The following P2RY14 variants were observed in gnomAD, a reference collection of about 807,000 sequenced individuals.
The protein encoded by P2RY14 is purinergic receptor P2Y14, also known as P2Y purinoceptor 14.
P2RY14 carries 2 observed loss-of-function variants against 0.9 expected under a neutral mutation model. The ratio of observed to expected loss-of-function variants is 2.16; its 90% CI spans 0.88 to 6.79. The LOEUF is 6.79. P2RY14 is among the 30% of genes most tolerant of loss of function. The pLI is 0.05. For synonymous variants in P2RY14, 158 were observed against 147.2 expected (o/e 1.07, Z -0.53); for missense variants, 378 against 400.1 (o/e 0.94, Z 0.47).
intron 1 of P2RY14, among the ~76,000 whole-genome samples, chr3:151,260,156 T>C (rs1738588722): frequency 6.6e-6 from 1 of 152,102 alleles, no homozygotes; most frequent in Admixed American, 6.6e-5. Context: ...GTGGAAAGAA[T>C]GAGGGCTAGT....
intron 1 of P2RY14, among the ~76,000 whole-genome samples, chr3:151,224,329 C>G (rs75950444): frequency 0.022 from 3,361 of 152,122 alleles, 119 homozygotes; most frequent in African/African-American, 0.077. Flanking sequence ...TACTTGTTTT[C>G]TAGCTGATTC....
At chr3:151,229,392 C>T (rs1231155884) in intron 1 of P2RY14, among the ~76,000 whole-genome samples, 3 of 148,536 alleles carry the variant, frequency 2.0e-5, no homozygotes, top group East Asian at 2.0e-4. Context: ...ACTGCAACCT[C>T]GCCTCCCGGG....
At chr3:151,258,667 T>C (rs1353583077) in intron 1 of P2RY14, among the ~76,000 whole-genome samples, 1 of 152,048 alleles carries the variant, frequency 6.6e-6, no homozygotes, top group Non-Finnish European at 1.5e-5. Flanking sequence ...CTGATCAACA[T>C]GGTGAAACCC....
chr3:151,261,891 AT>A (rs1035612129), intron 1 of P2RY14, among the ~76,000 whole-genome samples: 8 of 151,790 alleles, frequency 5.3e-5, no homozygotes, highest in African/African-American at 1.9e-4. Flanking sequence ...TGCCTGGCTA[AT>A]TTTTTTGTAT....
Position 151,278,274 on chromosome 3 carries a change from G to C in P2RY14, c.-133+13C>G, listed in dbSNP as rs1351826206. The stretch of plus-strand genomic sequence containing the variant: ...TACATGCAAGTCATTTCATGGAAAA[G>C]CTGTTTTCTTACCTGCGTCTAGGCC... On this transcript the variant is annotated intron_variant, in intron 1 of 2. Transcript: ENST00000309170. 6.6e-6 allele frequency: 1 copy of C among 152,196 alleles called. No individual in the cohort carries two copies. The highest frequency in any genetic ancestry group is 2.1e-4 in the South Asian group (1 of 4,834). The allele number at this position is 152,196 out of a possible 1,614,324, so 9.4% of individuals were successfully genotyped here.
In P2RY14 at chr3:151,242,143, A is replaced by T. The variant is rs1056096361; in HGVS notation, c.-132-22501T>A. ...GTCCTACGCCCATGGAGTCTCGCTG[A>T]TTGCTAGCACAGCAGTCTGAGATCA... On this transcript the variant is annotated intron_variant, in intron 1 of 2. Transcript: ENST00000309170. Among the ~76,000 whole-genome samples, 40 of 152,260 alleles carry T rather than the reference A, an allele frequency of 2.6e-4. 1 individual carries two copies. Among genetic ancestry groups the T allele is most frequent in the African/African-American group, 8.4e-4 (35 of 41,558 alleles).
At chr3:151,245,905 A>C (rs1322666582) in intron 1 of P2RY14, among the ~76,000 whole-genome samples, 2 of 151,678 alleles carry the variant, frequency 1.3e-5, no homozygotes, top group Non-Finnish European at 2.9e-5. Flanking sequence ...TTAAGCTGAT[A>C]AGCAACTTCA....
At chr3:151,245,048 A>G (rs1007128577) in intron 1 of P2RY14, among the ~76,000 whole-genome samples, 2 of 152,126 alleles carry the variant, frequency 1.3e-5, no homozygotes, top group South Asian at 4.1e-4. Flanking sequence ...TGACACATAC[A>G]CTCTCCCAAG....
chr3:151,228,602 A>T (rs1196977700), intron 1 of P2RY14, among the ~76,000 whole-genome samples: 1 of 152,068 alleles, frequency 6.6e-6, no homozygotes, highest in African/African-American at 2.4e-5. Context: ...AAATTGGGAG[A>T]GGTTTTGCTT....
intron 1 of P2RY14, among the ~76,000 whole-genome samples, chr3:151,276,064 A>G (rs1741799738): frequency 6.6e-6 from 1 of 152,234 alleles, no homozygotes; most frequent in African/African-American, 2.4e-5. Context: ...TATACAATCA[A>G]GGACACTTTT....
intron 1 of P2RY14, among the ~76,000 whole-genome samples, chr3:151,237,350 C>CTTTTTTTTTTTTTTTTT (rs57239604): frequency 1.1e-5 from 1 of 94,640 alleles, no homozygotes; most frequent in Non-Finnish European, 1.9e-5. Flanking sequence ...TTTTTTTTTT[C>CTTTTTTTTTTTTTTTTT]TTTTTTTTTT....
chr3:151,246,644 G>T (rs573041945), intron 1 of P2RY14, among the ~76,000 whole-genome samples: 2 of 152,216 alleles, frequency 1.3e-5, no homozygotes, highest in South Asian at 4.1e-4. Context: ...AGACTTAAAC[G>T]TTAGACCTAC....
chr3:151,233,835 C>T (rs1026352326), intron 1 of P2RY14, among the ~76,000 whole-genome samples: 3 of 152,236 alleles, frequency 2.0e-5, no homozygotes, highest in Non-Finnish European at 4.4e-5. Flanking sequence ...CTTTCTCCGC[C>T]TTGTGGTAAC....
chr3:151,254,869 GATAT>G (rs1316037131), intron 1 of P2RY14, among the ~76,000 whole-genome samples: 1 of 152,138 alleles, frequency 6.6e-6, no homozygotes, highest in Non-Finnish European at 1.5e-5. Flanking sequence ...TCACATACAT[GATAT>G]ATATACACAC....
intron 1 of P2RY14, chr3:151,270,196 C>CTGTGTGTGTGTGTGT (rs71621430): frequency 1.5e-5 from 2 of 129,706 alleles, no homozygotes; most frequent in Non-Finnish European, 3.0e-5. Flanking sequence ...AGCAAGCTGT[C>CTGTGTGTGTGTGTGT]GTGTGTGTGT....
At chr3:151,273,686 T>C (rs1453410116) in intron 1 of P2RY14, among the ~76,000 whole-genome samples, 1 of 152,166 alleles carries the variant, frequency 6.6e-6, no homozygotes, top group Non-Finnish European at 1.5e-5. Context: ...GAGTCAAGAT[T>C]TGAAGCCAAA....
At chr3:151,241,636 A>C (rs535645430) in intron 1 of P2RY14, among the ~76,000 whole-genome samples, 18 of 152,340 alleles carry the variant, frequency 1.2e-4, no homozygotes, top group Admixed American at 9.8e-4. Context: ...ATATACACAC[A>C]CAGTAGGATA....
intron 1 of P2RY14, among the ~76,000 whole-genome samples, chr3:151,253,113 A>G (rs2149459433): frequency 6.6e-6 from 1 of 152,326 alleles, no homozygotes; most frequent in Non-Finnish European, 1.5e-5. Flanking sequence ...TATTAACAGA[A>G]TCCACTAGCA....
intron 1 of P2RY14, among the ~76,000 whole-genome samples, chr3:151,241,171 C>G (rs899673960): frequency 1.3e-5 from 2 of 152,122 alleles, no homozygotes; most frequent in African/African-American, 4.8e-5. Flanking sequence ...TCTCCTTGCC[C>G]TTTGGCATCT....
Sources: allele counts gnomAD v4.1 joint callset (sites outside exome capture counted in the v4.1 genomes callset), GRCh38; gene constraint gnomAD v4.1.1; transcripts MANE v1.5; gene names NCBI Gene and HGNC (gene_info 2026-07-23, HGNC 2026-07-21).